PPFIA3: variants seen among roughly 807,000 people sequenced by gnomAD.
The protein encoded by PPFIA3 is liprin-alpha-3.
PPFIA3 carries 26 observed loss-of-function variants against 145.8 expected under a neutral mutation model. The observed-to-expected ratio is 0.18, with a 90% CI of 0.13 to 0.25. PPFIA3 has a LOEUF of 0.25. PPFIA3 is among the 10% of genes least tolerant of loss of function. The pLI is 1.00. For missense variants in PPFIA3, 1,008 were observed against 1,587.8 expected, an observed-to-expected ratio of 0.63 and a Z score of 6.21; for synonymous variants, 645 against 661.4, an observed-to-expected ratio of 0.98 and a Z score of 0.38.
chr19:49,131,048 A>AT (rs2041063956), intron 7 of PPFIA3, among the ~76,000 whole-genome samples: 2 of 88,910 alleles, frequency 2.2e-5, no homozygotes, highest in African/African-American at 8.4e-5. Context: ...TTTTTTTTGT[A>AT]TTTTTAGTAG....
rs774690881 is a variant in PPFIA3, at chr19:49,146,160, G to A, written c.2809-6G>A. The A allele has an allele frequency of 3.1e-6, 5 of 1,614,154 alleles. No individual in the cohort carries two copies. In the South Asian group the frequency reaches 4.4e-5, roughly 14 times the overall value. Reference sequence around the variant, plus strand: ...CTTCTCTCCCCTCTTCCTACTAACGGGTCAGGAGACCAAGGAGATCAGCTG... The same window carrying A: ...CTTCTCTCCCCTCTTCCTACTAACGAGTCAGGAGACCAAGGAGATCAGCTG... On this transcript the variant is annotated splice_polypyrimidine_tract_variant and splice_region_variant and intron_variant, in intron 22 of 29. Coordinates refer to ENST00000334186, the MANE Select transcript of PPFIA3 (RefSeq NM_003660.4).
chr19:49,150,058 C>G (rs761502503), intron 28 of PPFIA3, 22 bp from the exon 29 acceptor site: 1 of 1,600,870 alleles, frequency 6.2e-7, no homozygotes, highest in Non-Finnish European at 8.5e-7. Flanking sequence ...CCAGGCTGAA[C>G]CGCTGCTCGC....
intron 18 of PPFIA3, 116 bp downstream of exon 18, chr19:49,140,204 T>C: frequency 3.0e-6 from 4 of 1,322,264 alleles, no homozygotes; most frequent in Non-Finnish European, 4.1e-6. Context: ...CATTTGGTGA[T>C]TTATTTAGAA....
intron 23 of PPFIA3, chr19:49,146,465 T>G: frequency 1.8e-6 from 1 of 550,026 alleles, no homozygotes. Flanking sequence ...GGGGCTTCAA[T>G]TCTGTAGCTC....
At chr19:49,123,383 C>T (rs186061438) in intron 1 of PPFIA3, among the ~76,000 whole-genome samples, 95 of 152,182 alleles carry the variant, frequency 6.2e-4, no homozygotes, top group African/African-American at 2.0e-3. Context: ...GATCCTCTCA[C>T]CTTGGCCTTC....
At position 49,128,600 on chromosome 19, in the gene PPFIA3, C is replaced by T. The variant is rs1178725610; in HGVS notation, c.342+132C>T. 2 of 860,044 alleles carry T rather than the reference C, an allele frequency of 2.3e-6. No individual in the cohort carries two copies. Among genetic ancestry groups the T allele is most frequent in the African/African-American group, 3.4e-5 (2 of 59,692 alleles). 53.3% of individuals were successfully genotyped at this position (860,044 alleles called of 1,614,324 possible). ...CTCGCCTTTCTGTCTTCTCCTCTTC[C>T]CTGCTCCCACTTCCTGGCTGGTCTC... is the stretch of plus-strand genomic sequence containing the variant. On this transcript the variant is annotated intron_variant, in intron 3 of 29. Transcript: ENST00000334186. This position sits in a 1 kb window ranked among gnomAD's most constrained non-coding sequence, Gnocchi z 4.1.
At chr19:49,124,293 G>C (rs114731684) in intron 1 of PPFIA3, among the ~76,000 whole-genome samples, 1 of 151,606 alleles carries the variant, frequency 6.6e-6, no homozygotes, top group Non-Finnish European at 1.5e-5. Flanking sequence ...CCCTGGGCTC[G>C]AGTGATCCTC....
intron 21 of PPFIA3, among the ~76,000 whole-genome samples, chr19:49,143,935 A>G (rs1428940385): frequency 6.6e-6 from 1 of 152,170 alleles, no homozygotes; most frequent in Non-Finnish European, 1.5e-5. Flanking sequence ...TAAACATGAA[A>G]TTCATTTATG....
chr19:49,150,152 G>T lies in PPFIA3; in HGVS notation c.*13+1G>T. 6.2e-7 allele frequency: 1 copy of T among 1,605,696 alleles called. No homozygotes were observed. The highest frequency in any genetic ancestry group is 1.1e-5 in the South Asian group (1 of 89,048). Reference sequence around the variant, plus strand: ...TATTCCTGCTAGTGCAGGCCTCCAGGTGAGGACCGTGCTGGGCGACCTTGG... The same window carrying T: ...TATTCCTGCTAGTGCAGGCCTCCAGTTGAGGACCGTGCTGGGCGACCTTGG... On this transcript the variant is annotated splice_donor_variant, in intron 29 of 29. Transcript: ENST00000334186. LOFTEE classifies it low-confidence loss of function (3UTR_SPLICE).
chr19:49,121,082 C>T (rs956290485), intron 1 of PPFIA3, among the ~76,000 whole-genome samples: 3 of 152,158 alleles, frequency 2.0e-5, no homozygotes, highest in African/African-American at 7.2e-5. Context: ...CTCATGTCAC[C>T]CCAGGTGGCG....
Position 49,133,003 on chromosome 19 carries a change from G to T in PPFIA3, c.882G>T (p.Ala294=). 6.2e-7 allele frequency: 1 copy of T among 1,611,148 alleles called. No individual in the cohort carries two copies. The highest frequency in any genetic ancestry group is 8.5e-7 in the Non-Finnish European group (1 of 1,179,412). The change falls in exon 8 of 30, where the codon GCG becomes GCT. Residue 294 remains alanine (A), a splice_region_variant and synonymous_variant. Coordinates refer to ENST00000334186, the MANE Select transcript of PPFIA3 (RefSeq NM_003660.4). This position sits in a 1 kb window ranked among gnomAD's most constrained non-coding sequence, Gnocchi z 7.2. ...GGGGCCCTTTGCTACCTCCGCAGGCGCTGGCGCAGCGGGAAGATATGGAGG... is the reference window on the plus strand; with the variant it reads ...GGGGCCCTTTGCTACCTCCGCAGGCTCTGGCGCAGCGGGAAGATATGGAGG... ...NSKLQRDLKE[A]LAQREDMEER...
chr19:49,150,362 A>G lies in PPFIA3; in HGVS notation c.*140A>G. On this transcript the variant is annotated 3_prime_UTR_variant, in exon 30 of 30. Transcript: ENST00000334186. ...GAGGACTGGACCATCTGTACAGACC[A>G]GCGGGAGTGCGCGCGCCCGCCTCGC... is the stretch of plus-strand genomic sequence containing the variant. 1 of 490,624 alleles carries G rather than the reference A, an allele frequency of 2.0e-6. No individual in the cohort carries two copies. The highest frequency in any genetic ancestry group is 3.6e-6 in the Non-Finnish European group (1 of 277,870). The allele number at this position is 490,624 out of a possible 1,614,324, so 30.4% of individuals were successfully genotyped here.
Position 49,149,384 on chromosome 19 carries a change from T to C in PPFIA3, c.3354+59T>C. 1.2e-6 allele frequency: 2 copies of C among 1,603,748 alleles called. No homozygotes were observed. Among genetic ancestry groups the C allele is most frequent in the South Asian group, 1.1e-5 (1 of 90,790 alleles). On this transcript the variant is annotated intron_variant, in intron 27 of 29. Coordinates refer to ENST00000334186, the MANE Select transcript of PPFIA3 (RefSeq NM_003660.4). This position sits in a 1 kb window ranked among gnomAD's most constrained non-coding sequence, Gnocchi z 5.7. ...CCAGCGGCTCCTCGAGAGGCTGAGC[T>C]GAGGGGGCGGGGCCTGACTATTAAT... is the stretch of plus-strand genomic sequence containing the variant.
At chr19:49,143,796 G>T (rs979706867) in intron 21 of PPFIA3, among the ~76,000 whole-genome samples, 2 of 152,122 alleles carry the variant, frequency 1.3e-5, no homozygotes, top group African/African-American at 2.4e-5. Flanking sequence ...GGCGGGGAGT[G>T]GGGAGTACAG....
chr19:49,133,995 G>A lies in PPFIA3; in HGVS notation c.1246-39G>A, dbSNP rs531544926. The stretch of plus-strand genomic sequence containing the variant: ...TAGAGGAAGGGCCGTGGTCTGGGCA[G>A]GGTGGGCTTAACAACCCGCCCCGCT... On this transcript the variant is annotated intron_variant, in intron 10 of 29. Transcript: ENST00000334186. The surrounding 1 kb of genome is among the most constrained non-coding windows in gnomAD (Gnocchi z 7.2). 2.5e-6 allele frequency: 4 copies of A among 1,606,236 alleles called. No individual in the cohort carries two copies. The East Asian group carries it at 6.7e-5, about 27-fold the overall frequency.
In PPFIA3 at chr19:49,133,092, A is replaced by T; in HGVS notation, c.971A>T (p.Asp324Val). Residue 324 changes from aspartate (D) to valine (V), a missense_variant, in exon 8 of 30, where the codon GAC (aspartate) becomes GTC (valine). By Grantham distance (152) the Asp-to-Val change is radical. This residue lies in a region of PPFIA3 where 109 missense variants were observed against 198.1 expected (regional missense o/e 0.55). Transcript: ENST00000334186. The surrounding 1 kb of genome is among the most constrained non-coding windows in gnomAD (Gnocchi z 7.2). ...SAQREATSLH[D>V]ANDKLENELA... ...CAGCGGGAGGCCACGTCTCTGCACG[A>T]CGCCAACGACAAACTGGAGAACGAG... 1 of 1,612,776 alleles carries T rather than the reference A, an allele frequency of 6.2e-7. No individual in the cohort carries two copies. Among genetic ancestry groups the T allele is most frequent in the Non-Finnish European group, 8.5e-7 (1 of 1,179,758 alleles).
intron 25 of PPFIA3, 108 bp from the exon 26 acceptor site, chr19:49,148,885 A>C: frequency 6.4e-7 from 1 of 1,563,932 alleles, no homozygotes; most frequent in Non-Finnish European, 8.8e-7. Context: ...GGGTGGAGCC[A>C]GCGTGGGGGG....
At chr19:49,124,389 C>T (rs1217514869) in intron 1 of PPFIA3, among the ~76,000 whole-genome samples, 1 of 152,040 alleles carries the variant, frequency 6.6e-6, no homozygotes, top group Non-Finnish European at 1.5e-5. Context: ...TACCTTCATC[C>T]CTAGCAGGCT....
chr19:49,125,965 T>G (rs565840030), intron 1 of PPFIA3, among the ~76,000 whole-genome samples: 31 of 152,238 alleles, frequency 2.0e-4, no homozygotes, highest in East Asian at 3.9e-4. Flanking sequence ...GTTTTGTTTT[T>G]TTTTGAGACT....
Sources: gnomAD v4.1 joint callset for allele counts (sites outside exome capture counted in the v4.1 genomes callset) on GRCh38, gnomAD v4.1.1 for gene constraint, gnomAD v4.1.1 regional missense constraint, Gnocchi (gnomAD v3.1) non-coding constraint, MANE v1.5 for transcripts, NCBI Gene and HGNC (gene_info 2026-07-23, HGNC 2026-07-21) for gene names.